FOXP1: variants seen among roughly 807,000 people sequenced by gnomAD.
FOXP1 encodes forkhead box P1, also known as forkhead box protein P1.
In FOXP1, 15 loss-of-function variants were observed where a neutral mutation model predicts 98.2. The observed-to-expected ratio is 0.15, with a 90% CI of 0.10 to 0.24. FOXP1 has a LOEUF of 0.24. FOXP1 is among the 10% of genes least tolerant of loss of function. The probability of loss-of-function intolerance (pLI) is 1.00; values close to 1 mark genes in which losing one functional copy is unlikely to be tolerated. For missense variants in FOXP1, 633 were observed against 848.5 expected (o/e 0.75, Z 3.15); for synonymous variants, 371 against 314.5 (o/e 1.18, Z -1.90).
In FOXP1 at chr3:71,130,121, C is replaced by G. The variant is rs544663061; in HGVS notation, c.181-17484G>C. 2.6e-5 allele frequency among the ~76,000 whole-genome samples: 4 copies of G among 152,326 alleles called. No individual in the cohort carries two copies. In the East Asian group the frequency reaches 7.7e-4, roughly 29 times the overall value. ...ATTACAAAGGCACCATCCCCACATT[C>G]TCTTACTACTTGTGATAACAGGAAG... On this transcript the variant is annotated intron_variant, in intron 6 of 20. Coordinates refer to ENST00000649528, the MANE Select transcript of FOXP1 (RefSeq NM_001349338.3).
intron 3 of FOXP1, among the ~76,000 whole-genome samples, chr3:71,411,988 A>T (rs2082786587): frequency 6.6e-6 from 1 of 152,196 alleles, no homozygotes; most frequent in South Asian, 2.1e-4. Context: ...AAGTCTCAAA[A>T]ATGATGAAGA....
intron 5 of FOXP1, among the ~76,000 whole-genome samples, chr3:71,287,057 T>A (rs1217991310): frequency 6.6e-6 from 1 of 152,110 alleles, no homozygotes; most frequent in Non-Finnish European, 1.5e-5. Context: ...AAAAATAAGA[T>A]GTAGATATAT....
intron 7 of FOXP1, among the ~76,000 whole-genome samples, chr3:71,099,894 T>C (rs1296697427): frequency 1.3e-5 from 2 of 152,186 alleles, no homozygotes; most frequent in African/African-American, 4.8e-5. Context: ...ATTTCAGAGC[T>C]GATCAAGAAG....
At chr3:71,542,386 T>A (rs2044920118) in intron 2 of FOXP1, among the ~76,000 whole-genome samples, 1 of 152,244 alleles carries the variant, frequency 6.6e-6, no homozygotes, top group Admixed American at 6.5e-5. Flanking sequence ...TACCCCTTTG[T>A]AACTGCAACT....
intron 3 of FOXP1, among the ~76,000 whole-genome samples, chr3:71,479,098 T>A (rs1412896858): frequency 1.3e-5 from 2 of 152,206 alleles, no homozygotes; most frequent in African/African-American, 4.8e-5. Flanking sequence ...AGGGGGTAAC[T>A]TTTACGTCAC....
At chr3:71,144,861 G>C (rs62256862) in intron 6 of FOXP1, among the ~76,000 whole-genome samples, 7 of 152,004 alleles carry the variant, frequency 4.6e-5, no homozygotes, top group African/African-American at 1.7e-4. Flanking sequence ...CCCTGGCCCC[G>C]GGCAACCACT....
At chr3:71,303,363 G>A (rs115009540) in intron 4 of FOXP1, among the ~76,000 whole-genome samples, 32 of 152,286 alleles carry the variant, frequency 2.1e-4, no homozygotes, top group African/African-American at 7.0e-4. Context: ...GTGATGGGGG[G>A]CAGTTCAGTA....
At chr3:71,048,411 G>T (rs536678987) in intron 9 of FOXP1, among the ~76,000 whole-genome samples, 1 of 152,008 alleles carries the variant, frequency 6.6e-6, no homozygotes, top group Admixed American at 6.5e-5. Flanking sequence ...GTTTCCTTTC[G>T]GTCTTCATGT....
At chr3:71,455,504 G>T (rs1329259918) in intron 3 of FOXP1, among the ~76,000 whole-genome samples, 3 of 152,134 alleles carry the variant, frequency 2.0e-5, no homozygotes, top group Non-Finnish European at 4.4e-5. Flanking sequence ...AAATGTTTAA[G>T]AAAAGACTGC....
chr3:71,432,865 A>AT (rs1560478112), intron 3 of FOXP1, among the ~76,000 whole-genome samples: 1 of 147,980 alleles, frequency 6.8e-6, no homozygotes, highest in Non-Finnish European at 1.5e-5. Flanking sequence ...AAAAAAAAAA[A>AT]ATTAAAAAAA....
chr3:71,159,734 C>T (rs1395221794), intron 6 of FOXP1, among the ~76,000 whole-genome samples: 1 of 152,058 alleles, frequency 6.6e-6, no homozygotes, highest in Non-Finnish European at 1.5e-5. Context: ...TCCTACCTTA[C>T]AAGAGGTTTA....
intron 7 of FOXP1, among the ~76,000 whole-genome samples, chr3:71,088,393 G>GTTTTGTTTTTTT (rs1553730902): frequency 1.7e-5 from 2 of 120,174 alleles, no homozygotes; most frequent in Admixed American, 8.0e-5. Context: ...ACATTGTTTT[G>GTTTTGTTTTTTT]TTTTTTGTTT....
intron 10 of FOXP1, among the ~76,000 whole-genome samples, chr3:71,046,165 T>C (rs2049010936): frequency 6.6e-6 from 1 of 152,158 alleles, no homozygotes; most frequent in South Asian, 2.1e-4. Flanking sequence ...GCTTTCACAT[T>C]ACATATGTGA....
intron 2 of FOXP1, chr3:71,573,624 A>G (rs2047509290): frequency 1.3e-5 from 2 of 152,250 alleles, no homozygotes. Flanking sequence ...GCAAAACAAC[A>G]GCAGGTCTGC....
At chr3:70,978,731 T>TATCA (rs61280286) in intron 14 of FOXP1, among the ~76,000 whole-genome samples, 4,202 of 152,190 alleles carry the variant, frequency 0.028, 126 homozygotes, top group East Asian at 0.085. Flanking sequence ...CATTTGTTTC[T>TATCA]ATCAATCAAT....
At chr3:71,364,584 T>C (rs1226916355) in intron 3 of FOXP1, among the ~76,000 whole-genome samples, 1 of 152,248 alleles carries the variant, frequency 6.6e-6, no homozygotes, top group Non-Finnish European at 1.5e-5. Flanking sequence ...GTTTTATTTA[T>C]TTCTAAATAA....
At chr3:71,091,097 C>CTGTGTGTGTGTGTG (rs1191628935) in intron 7 of FOXP1, among the ~76,000 whole-genome samples, 1,409 of 132,566 alleles carry the variant, frequency 0.011, 47 homozygotes, top group African/African-American at 0.038. Flanking sequence ...GTGCCAGATT[C>CTGTGTGTGTGTGTG]TGTGTGTGTG....
intron 3 of FOXP1, among the ~76,000 whole-genome samples, chr3:71,417,647 A>C (rs1462335057): frequency 6.6e-6 from 1 of 151,898 alleles, no homozygotes; most frequent in East Asian, 1.9e-4. Flanking sequence ...TTTTATGTGG[A>C]GCTAAATTCC....
At chr3:71,376,883 A>G (rs531694291) in intron 3 of FOXP1, among the ~76,000 whole-genome samples, 1 of 152,332 alleles carries the variant, frequency 6.6e-6, no homozygotes, top group Admixed American at 6.5e-5. Flanking sequence ...GTATACAAAG[A>G]AGCAAAGATA....
Sources: gnomAD v4.1 joint callset for allele counts (sites outside exome capture counted in the v4.1 genomes callset) on GRCh38, gnomAD v4.1.1 for gene constraint, MANE v1.5 for transcripts, NCBI Gene and HGNC (gene_info 2026-07-23, HGNC 2026-07-21) for gene names.